The following MYOCD variants were observed in gnomAD, a reference collection of about 807,000 sequenced individuals.
The protein encoded by MYOCD is myocardin.
Under a neutral mutation model 96.1 loss-of-function variants are expected in MYOCD, and 32 were observed. The observed-to-expected ratio is 0.33, with a 90% CI of 0.25 to 0.45. MYOCD has a LOEUF of 0.45. Ranked by LOEUF, MYOCD falls within the 20% of genes least tolerant of loss-of-function variation. The probability of loss-of-function intolerance (pLI) is 1.00; values close to 1 mark genes in which losing one functional copy is unlikely to be tolerated. For missense variants in MYOCD, 1,133 were observed against 1,200.6 expected (o/e 0.94, Z 0.83); for synonymous variants, 469 against 469.0 (o/e 1.00, Z 0.00).
intron 1 of MYOCD, among the ~76,000 whole-genome samples, chr17:12,668,593 T>A (rs1424457745): frequency 6.6e-6 from 1 of 152,026 alleles, no homozygotes; most frequent in Non-Finnish European, 1.5e-5. Context: ...TTTACATGTA[T>A]GAACATGTTT....
intron 5 of MYOCD, among the ~76,000 whole-genome samples, chr17:12,723,860 G>A (rs2150691457): frequency 6.6e-6 from 1 of 152,306 alleles, no homozygotes; most frequent in East Asian, 1.9e-4. Context: ...GTAGGTGTAA[G>A]GGCATTTTAT....
At chr17:12,670,995 A>G (rs1323239521) in intron 1 of MYOCD, among the ~76,000 whole-genome samples, 2 of 152,104 alleles carry the variant, frequency 1.3e-5, no homozygotes, top group Admixed American at 1.3e-4. Context: ...CATCTTAATC[A>G]CTATAGCAAG....
chr17:12,754,050 AAAAGC>A (rs1270760242), intron 10 of MYOCD, among the ~76,000 whole-genome samples: 4 of 142,884 alleles, frequency 2.8e-5, no homozygotes, highest in East Asian at 4.1e-4. Flanking sequence ...CTTATGGAGA[AAAAGC>A]AAAGAGGTGT....
In MYOCD at chr17:12,724,310, A is replaced by G. The variant is rs568320122; in HGVS notation, c.415+1302A>G. ...ATGATAGGAAAAAGGTCTCCTTTCAATTTGCATTCTTTGGTTTCTAGTAGA... is the reference window on the plus strand; with the variant it reads ...ATGATAGGAAAAAGGTCTCCTTTCAGTTTGCATTCTTTGGTTTCTAGTAGA... On this transcript the variant is annotated intron_variant, in intron 5 of 13. Coordinates refer to ENST00000425538, the MANE Select transcript of MYOCD (RefSeq NM_001146312.3). Among the ~76,000 whole-genome samples, 9 of 152,236 alleles carry G rather than the reference A, an allele frequency of 5.9e-5. No homozygotes were observed. The East Asian group carries it at 1.2e-3, about 20-fold the overall frequency.
chr17:12,732,507 T>C (rs1329648311), intron 5 of MYOCD, among the ~76,000 whole-genome samples: 1 of 152,186 alleles, frequency 6.6e-6, no homozygotes. Flanking sequence ...CACCAGGCAG[T>C]CTGGCCCGTG....
At chr17:12,698,432 T>G (rs1398968412) in intron 1 of MYOCD, among the ~76,000 whole-genome samples, 1 of 152,174 alleles carries the variant, frequency 6.6e-6, no homozygotes, top group African/African-American at 2.4e-5. Flanking sequence ...GAGAGGAATT[T>G]ATTTTGTATT....
At chr17:12,756,864 G>A (rs774595441) in intron 11 of MYOCD, among the ~76,000 whole-genome samples, 15 of 152,054 alleles carry the variant, frequency 9.9e-5, no homozygotes, top group African/African-American at 1.4e-4. Flanking sequence ...TCCCTTTCAA[G>A]GCAGAAGTAA....
chr17:12,732,764 C>A (rs1284719687), intron 5 of MYOCD, among the ~76,000 whole-genome samples: 1 of 152,168 alleles, frequency 6.6e-6, no homozygotes, highest in African/African-American at 2.4e-5. Flanking sequence ...CATTCTTGTG[C>A]TTCGACCTGG....
chr17:12,748,160 C>CA lies in MYOCD; in HGVS notation c.1125+2106dup, dbSNP rs58002174. On this transcript the variant is annotated intron_variant, in intron 9 of 13. Coordinates refer to ENST00000425538, the MANE Select transcript of MYOCD (RefSeq NM_001146312.3). ...CTGATGACAGAGCTTGACTCCGTCT[C>CA]AAAAAAAAAAAAAAAAAACAAAAAA... Among the ~76,000 whole-genome samples, 215 of 90,494 alleles carry CA rather than the reference C, an allele frequency of 2.4e-3. 2 individuals carry two copies. Among genetic ancestry groups the CA allele is most frequent in the African/African-American group, 6.3e-3 (163 of 25,716 alleles). The allele number at this position is 90,494 out of a possible 152,430, so 59.4% of individuals were successfully genotyped here. A position where few individuals can be genotyped will look rare whatever the true frequency, so the allele number is the denominator to read the frequency against.
At chr17:12,738,847 C>G (rs889932008) in intron 6 of MYOCD, among the ~76,000 whole-genome samples, 1 of 151,782 alleles carries the variant, frequency 6.6e-6, no homozygotes, top group Non-Finnish European at 1.5e-5. Flanking sequence ...ACCAGATGTC[C>G]CAGTTTGCCT....
chr17:12,740,129 G>T (rs2032464275), intron 7 of MYOCD, among the ~76,000 whole-genome samples: 1 of 152,074 alleles, frequency 6.6e-6, no homozygotes, highest in Admixed American at 6.6e-5. Context: ...TAGAGATGGG[G>T]TTTCACTGTG....
chr17:12,706,535 A>G (rs1001036520), intron 2 of MYOCD, among the ~76,000 whole-genome samples: 3 of 152,216 alleles, frequency 2.0e-5, no homozygotes, highest in Admixed American at 1.3e-4. Flanking sequence ...CCGTAAGCCC[A>G]AGTTGTACAC....
At chr17:12,709,273 T>C (rs1291113808) in intron 2 of MYOCD, among the ~76,000 whole-genome samples, 1 of 152,254 alleles carries the variant, frequency 6.6e-6, no homozygotes, top group African/African-American at 2.4e-5. Flanking sequence ...TGCTGAGTAA[T>C]AAACAGTGGT....
At chr17:12,688,483 CTTCCTTCCATCTCCTTTT>C (rs1409975102) in intron 1 of MYOCD, among the ~76,000 whole-genome samples, 14 of 145,962 alleles carry the variant, frequency 9.6e-5, no homozygotes, top group Admixed American at 2.7e-4. Flanking sequence ...TTCTTCCTTC[CTTCCTTCCATCTCCTTTT>C]TTCCTTCCAT....
At chr17:12,762,902 C>A in intron 13 of MYOCD, 171 bp from the exon 14 acceptor site, 1 of 594,588 alleles carries the variant, frequency 1.7e-6, no homozygotes, top group Non-Finnish European at 2.9e-6. Flanking sequence ...TTGGGAAAAA[C>A]CAGAGGGAAG....
rs376756900 is a variant in MYOCD at position 12,763,172 on chromosome 17, C to T, written c.2489C>T (p.Ser830Leu). The T allele has an allele frequency of 7.4e-5, 120 of 1,614,066 alleles. No individual in the cohort carries two copies. The East Asian group carries it at 1.5e-3, about 21-fold the overall frequency. The change falls in exon 14 of 14, where the codon TCG becomes TTG. Residue 830 changes from serine (S) to leucine (L), a missense_variant. Coordinates refer to ENST00000425538, the MANE Select transcript of MYOCD (RefSeq NM_001146312.3). Reference sequence around the variant, plus strand: ...CCAACTGCTGTCCTCACCAAGCCCTCGGCTTCCTTTGAACAAGCCTCTTCA... The same window carrying T: ...CCAACTGCTGTCCTCACCAAGCCCTTGGCTTCCTTTGAACAAGCCTCTTCA... ...RSPTAVLTKP[S>L]ASFEQASSGS... is the part of the protein sequence containing the mutation.
chr17:12,735,109 G>A (rs550390308), intron 5 of MYOCD, among the ~76,000 whole-genome samples: 7 of 152,320 alleles, frequency 4.6e-5, no homozygotes, highest in East Asian at 1.9e-4. Context: ...CCAGCTCCTC[G>A]TTGCCTTTGC....
chr17:12,736,293 A>G lies in MYOCD; in HGVS notation c.548A>G (p.Lys183Arg). Residue 183 changes from lysine (K) to arginine (R), a missense_variant, in exon 6 of 14, where the codon AAA becomes AGA. Physicochemically the swap from Lys to Arg is conservative, Grantham distance 26. Transcript: ENST00000425538. ...TCAGCGGGATCCCCGCCAGACGCTA[A>G]AGCCTCAGATACCCCTTCGACAGGT... ...QNSAGSPPDAKASDTPSTGSL... is the reference protein window; with the variant it reads ...QNSAGSPPDARASDTPSTGSL... 1 of 1,614,238 alleles carries G rather than the reference A, an allele frequency of 6.2e-7. No homozygotes were observed. Among genetic ancestry groups the G allele is most frequent in the Non-Finnish European group, 8.5e-7 (1 of 1,180,038 alleles).
At chr17:12,736,492 T>A (rs1314350643) in intron 6 of MYOCD, among the ~76,000 whole-genome samples, 156 bp downstream of exon 6, 3 of 152,216 alleles carry the variant, frequency 2.0e-5, no homozygotes, top group Admixed American at 2.0e-4. Context: ...TCTCACTCTA[T>A]TCAGCGCAGG....
Sources: gnomAD v4.1 joint callset for allele counts (sites outside exome capture counted in the v4.1 genomes callset) on GRCh38, gnomAD v4.1.1 for gene constraint, MANE v1.5 for transcripts, NCBI Gene and HGNC (gene_info 2026-07-23, HGNC 2026-07-21) for gene names.